Variants in ABRAXAS2 observed in about 807,000 individuals in gnomAD.
ABRAXAS2 encodes abraxas 2, BRISC complex subunit, also known as BRISC complex subunit Abraxas 2.
A neutral mutation model predicts 49.0 loss-of-function variants in ABRAXAS2; 23 were observed. The ratio of observed to expected loss-of-function variants is 0.47; its 90% CI spans 0.34 to 0.66. ABRAXAS2 has a LOEUF of 0.66. Ranked by LOEUF, ABRAXAS2 falls within the 30% of genes least tolerant of loss-of-function variation. The pLI, the probability that ABRAXAS2 is intolerant of heterozygous loss-of-function variation, is 0.01. For synonymous variants in ABRAXAS2, 168 were observed against 180.2 expected, an observed-to-expected ratio of 0.93 and a Z score of 0.54; for missense variants, 443 against 511.9, an observed-to-expected ratio of 0.87 and a Z score of 1.30.
intron 5 of ABRAXAS2, among the ~76,000 whole-genome samples, chr10:124,828,333 A>G (rs1950909469): frequency 6.6e-6 from 1 of 152,124 alleles, no homozygotes; most frequent in Non-Finnish European, 1.5e-5. Flanking sequence ...CTATAGGCAC[A>G]TGCCACCACG....
intron 4 of ABRAXAS2, among the ~76,000 whole-genome samples, chr10:124,824,702 G>A (rs1214997628): frequency 6.6e-6 from 1 of 152,176 alleles, no homozygotes; most frequent in East Asian, 1.9e-4. Flanking sequence ...CACTGTTCAG[G>A]TCTTTGCAGG....
At chr10:124,829,312 T>C in intron 6 of ABRAXAS2, 81 bp from the exon 7 acceptor site, 1 of 897,634 alleles carries the variant, frequency 1.1e-6, no homozygotes, top group Non-Finnish European at 1.8e-6. Flanking sequence ...AACAATAAAG[T>C]GGAAGAGGCA....
intron 1 of ABRAXAS2, among the ~76,000 whole-genome samples, 176 bp downstream of exon 1, chr10:124,802,077 C>T (rs1302121633): frequency 1.3e-5 from 2 of 152,180 alleles, no homozygotes; most frequent in Non-Finnish European, 2.9e-5. Context: ...CTGGGGGCTC[C>T]TTCGCCCCTG....
intron 8 of ABRAXAS2, among the ~76,000 whole-genome samples, chr10:124,833,117 G>A (rs1950944705): frequency 1.4e-5 from 2 of 145,776 alleles, no homozygotes; most frequent in Admixed American, 1.4e-4. Flanking sequence ...CTGCACTCCA[G>A]CCTGGGCAAC....
intron 2 of ABRAXAS2, among the ~76,000 whole-genome samples, chr10:124,814,289 C>G (rs962216443): frequency 6.6e-6 from 1 of 152,030 alleles, no homozygotes; most frequent in East Asian, 1.9e-4. Flanking sequence ...CACGCCCGGC[C>G]TCTATCATTT....
chr10:124,819,560 A>G, intron 4 of ABRAXAS2, 110 bp downstream of exon 4: 1 of 1,049,376 alleles, frequency 9.5e-7, no homozygotes, highest in Non-Finnish European at 1.4e-6. Flanking sequence ...GTTAATATGT[A>G]AAAGTTTTGT....
intron 2 of ABRAXAS2, 127 bp from the exon 3 acceptor site, chr10:124,816,447 CTG>C (rs985267701): frequency 3.8e-5 from 25 of 651,126 alleles, no homozygotes; most frequent in African/African-American, 3.1e-4. Flanking sequence ...CATGTAGCAA[CTG>C]TTTGGCAGAG....
intron 8 of ABRAXAS2, among the ~76,000 whole-genome samples, chr10:124,834,097 T>A (rs1950952207): frequency 6.6e-6 from 1 of 152,190 alleles, no homozygotes; most frequent in African/African-American, 2.4e-5. Context: ...CATTTCAACC[T>A]TTGGGTCCCA....
At position 124,816,667 on chromosome 10, in the gene ABRAXAS2, A is replaced by G. The variant is rs1330772823; in HGVS notation, c.200+55A>G. 6.6e-6 allele frequency: 9 copies of G among 1,363,810 alleles called. No homozygotes were observed. In the African/African-American group the frequency reaches 1.2e-4, roughly 18 times the overall value. 84.5% of individuals were successfully genotyped at this position (1,363,810 alleles called of 1,614,324 possible). A position where few individuals can be genotyped will look rare whatever the true frequency, so the allele number is the denominator to read the frequency against. On this transcript the variant is annotated intron_variant, in intron 3 of 8. Coordinates refer to ENST00000298492, the MANE Select transcript of ABRAXAS2 (RefSeq NM_032182.4). Reference sequence around the variant, plus strand: ...CTAAAAGGATTGATTGATAAAAAAAACTAGTGAATTTTGGCCTGTAGCTGA... The same window carrying G: ...CTAAAAGGATTGATTGATAAAAAAAGCTAGTGAATTTTGGCCTGTAGCTGA...
intron 8 of ABRAXAS2, among the ~76,000 whole-genome samples, chr10:124,833,903 T>C (rs951699728): frequency 5.3e-5 from 8 of 152,196 alleles, no homozygotes; most frequent in African/African-American, 1.9e-4. Context: ...TTTTAAAGTT[T>C]TAAGGTATAT....
Position 124,826,790 on chromosome 10 carries a change from AGCTT to A in ABRAXAS2, c.458+10_458+13del. The A allele has an allele frequency of 6.2e-7, 1 of 1,613,272 alleles. No individual in the cohort carries two copies. The highest frequency in any genetic ancestry group is 2.2e-5 in the East Asian group (1 of 44,860). On this transcript the variant is annotated splice_donor_region_variant and intron_variant, in intron 5 of 8. Transcript: ENST00000298492. Reference sequence around the variant, plus strand: ...GCTCTTCAGACCAAATAGAAGGTAAAGCTTGCTTTTCCATCTGCCTCACATATAA... The same window carrying A: ...GCTCTTCAGACCAAATAGAAGGTAAAGCTTTTCCATCTGCCTCACATATAA...
At chr10:124,826,445 C>T (rs1208147460) in intron 4 of ABRAXAS2, 150 bp from the exon 5 acceptor site, 4 of 660,644 alleles carry the variant, frequency 6.1e-6, no homozygotes, top group South Asian at 2.0e-5. Context: ...GTCTGTTTAT[C>T]CATGCTCCTG....
rs183062724 is a variant in ABRAXAS2 at position 124,828,297 on chromosome 10, C to T, written c.459-459C>T. Among the ~76,000 whole-genome samples the T allele has an allele frequency of 2.5e-4, 38 of 152,278 alleles. No homozygotes were observed. The East Asian group carries it at 4.0e-3, about 16-fold the overall frequency. On this transcript the variant is annotated intron_variant, in intron 5 of 8. Transcript: ENST00000298492. ...TGCCACCTTGAACTCCTGATCCTGT[C>T]ACCTCAGCCTCTTAAGTAGCTGGGA...
At chr10:124,822,907 A>G (rs1467915940) in intron 4 of ABRAXAS2, among the ~76,000 whole-genome samples, 4 of 152,050 alleles carry the variant, frequency 2.6e-5, no homozygotes, top group Non-Finnish European at 5.9e-5. Flanking sequence ...ACAGAAGGCC[A>G]CTCGTTGGTT....
At chr10:124,818,966 C>G (rs561490670) in intron 3 of ABRAXAS2, among the ~76,000 whole-genome samples, 1 of 152,200 alleles carries the variant, frequency 6.6e-6, no homozygotes, top group East Asian at 1.9e-4. Flanking sequence ...ATGAAACAAC[C>G]TGAGAAAGTA....
At chr10:124,810,732 G>A (rs1365142786) in intron 2 of ABRAXAS2, among the ~76,000 whole-genome samples, 1 of 151,164 alleles carries the variant, frequency 6.6e-6, no homozygotes, top group Non-Finnish European at 1.5e-5. Flanking sequence ...ACAGGTGCAC[G>A]CCACCACTCC....
chr10:124,813,551 T>C (rs1478979892), intron 2 of ABRAXAS2, among the ~76,000 whole-genome samples: 1 of 152,170 alleles, frequency 6.6e-6, no homozygotes, highest in Non-Finnish European at 1.5e-5. Flanking sequence ...CACAAGAAAC[T>C]CTGGAAATTC....
At chr10:124,813,090 A>G (rs1950800444) in intron 2 of ABRAXAS2, among the ~76,000 whole-genome samples, 1 of 152,106 alleles carries the variant, frequency 6.6e-6, no homozygotes, top group African/African-American at 2.4e-5. Flanking sequence ...AATCCCAGCT[A>G]CTTGGGAGGC....
intron 4 of ABRAXAS2, 22 bp downstream of exon 4, chr10:124,819,472 G>A (rs200803584): frequency 1.8e-5 from 29 of 1,606,468 alleles, no homozygotes; most frequent in Non-Finnish European, 2.2e-5. Context: ...TTGTTGCCCA[G>A]TATGATTCTG....
Sources: allele counts gnomAD v4.1 joint callset (sites outside exome capture counted in the v4.1 genomes callset), GRCh38; gene constraint gnomAD v4.1.1; transcripts MANE v1.5; gene names NCBI Gene and HGNC (gene_info 2026-07-23, HGNC 2026-07-21).